Variants in SAMD12 observed in about 807,000 individuals in gnomAD.
SAMD12 encodes the protein sterile alpha motif domain-containing protein 12.
Under a neutral mutation model 15.0 loss-of-function variants are expected in SAMD12, and 9 were observed. The ratio of observed to expected loss-of-function variants is 0.60; its 90% CI spans 0.36 to 1.05. The LOEUF (loss-of-function observed/expected upper bound fraction) is 1.05. Ranked by LOEUF, SAMD12 falls within the 50% of genes least tolerant of loss-of-function variation. The probability of loss-of-function intolerance (pLI) is 0.01; values close to 1 mark genes in which losing one functional copy is unlikely to be tolerated. For synonymous variants in SAMD12, 86 were observed against 90.1 expected, an observed-to-expected ratio of 0.96 and a Z score of 0.25; for missense variants, 230 against 234.2, an observed-to-expected ratio of 0.98 and a Z score of 0.12.
intron 4 of SAMD12, among the ~76,000 whole-genome samples, chr8:118,331,266 AG>A (rs1816795186): frequency 6.6e-6 from 1 of 152,218 alleles, no homozygotes; most frequent in African/African-American, 2.4e-5. Flanking sequence ...CAGGGGAAGC[AG>A]AAGAGGAAGT....
At chr8:118,369,213 T>G (rs902787903) in intron 4 of SAMD12, among the ~76,000 whole-genome samples, 1 of 152,144 alleles carries the variant, frequency 6.6e-6, no homozygotes, top group Non-Finnish European at 1.5e-5. Context: ...AACAGACACG[T>G]AGACCAATGG....
intron 4 of SAMD12, among the ~76,000 whole-genome samples, chr8:118,278,967 A>G (rs1320186052): frequency 6.6e-6 from 1 of 152,196 alleles, no homozygotes; most frequent in Non-Finnish European, 1.5e-5. Context: ...TACAATTTAG[A>G]GAAAAAAGTA....
At chr8:118,297,207 T>C (rs1040989488) in intron 4 of SAMD12, among the ~76,000 whole-genome samples, 2 of 152,238 alleles carry the variant, frequency 1.3e-5, no homozygotes, top group African/African-American at 2.4e-5. Flanking sequence ...ATGTTCACCA[T>C]GGCTCACCAT....
chr8:118,224,003 G>A (rs1434594968), intron 4 of SAMD12, among the ~76,000 whole-genome samples: 1 of 152,192 alleles, frequency 6.6e-6, no homozygotes, highest in African/African-American at 2.4e-5. Context: ...CTCTATTCTC[G>A]ATCTTGGGAT....
At chr8:118,226,085 G>A (rs1166863197) in intron 4 of SAMD12, among the ~76,000 whole-genome samples, 3 of 152,148 alleles carry the variant, frequency 2.0e-5, no homozygotes, top group Admixed American at 6.6e-5. Context: ...GGCACTGTCC[G>A]AAGTGCTGGT....
At chr8:118,425,379 TA>T (rs1279677939) in intron 3 of SAMD12, among the ~76,000 whole-genome samples, 1 of 151,902 alleles carries the variant, frequency 6.6e-6, no homozygotes, top group Admixed American at 6.6e-5. Context: ...AAGTCATCAA[TA>T]AAAAAGAAAT....
intron 4 of SAMD12, among the ~76,000 whole-genome samples, chr8:118,352,150 G>A (rs557325728): frequency 6.6e-6 from 1 of 152,280 alleles, no homozygotes; most frequent in Admixed American, 6.5e-5. Flanking sequence ...TCTGCTACAA[G>A]CAAGCACTAC....
At chr8:118,462,825 G>A (rs1465502463) in intron 2 of SAMD12, among the ~76,000 whole-genome samples, 6 of 152,108 alleles carry the variant, frequency 3.9e-5, no homozygotes, top group South Asian at 2.1e-4. Context: ...AAAGTGGGCC[G>A]GGCGCGGTGG....
intron 3 of SAMD12, among the ~76,000 whole-genome samples, chr8:118,418,073 C>T (rs1219536691): frequency 6.6e-6 from 1 of 152,138 alleles, no homozygotes; most frequent in African/African-American, 2.4e-5. Flanking sequence ...ATCCCTATTC[C>T]TTCGTGCCTA....
intron 4 of SAMD12, among the ~76,000 whole-genome samples, chr8:118,334,757 G>A (rs761313837): frequency 6.6e-6 from 1 of 151,966 alleles, no homozygotes; most frequent in African/African-American, 2.4e-5. Flanking sequence ...CACCATACCC[G>A]GCTAATTTTT....
intron 4 of SAMD12, among the ~76,000 whole-genome samples, chr8:118,248,995 G>A (rs1368240287): frequency 6.6e-5 from 10 of 152,218 alleles, no homozygotes; most frequent in South Asian, 4.1e-4. Flanking sequence ...ATCCCCCACG[G>A]ATCCCAAAAT....
chr8:118,345,928 G>T (rs1264330256), intron 4 of SAMD12, among the ~76,000 whole-genome samples: 1 of 152,230 alleles, frequency 6.6e-6, no homozygotes, highest in Non-Finnish European at 1.5e-5. Context: ...GAATGTGGAG[G>T]AGGAGGAGTA....
At chr8:118,278,233 T>G (rs1209954432) in intron 4 of SAMD12, among the ~76,000 whole-genome samples, 2 of 152,216 alleles carry the variant, frequency 1.3e-5, no homozygotes, top group African/African-American at 4.8e-5. Context: ...GTAAATCTCA[T>G]GAAGTTTGCC....
chr8:118,232,096 T>C (rs1018688521), intron 4 of SAMD12, among the ~76,000 whole-genome samples: 6 of 152,192 alleles, frequency 3.9e-5, no homozygotes, highest in Non-Finnish European at 5.9e-5. Context: ...AGCTTTCATA[T>C]ATCTTTTTGG....
Position 118,580,845 on chromosome 8 carries a change from G to T in SAMD12, c.62C>A (p.Ala21Asp). The T allele has an allele frequency of 1.2e-6, 2 of 1,613,148 alleles. No homozygotes were observed. The highest frequency in any genetic ancestry group is 4.5e-5 in the East Asian group (2 of 44,846). Reference protein sequence around the residue: ...NPRGIDHPAHAEGIKLQIEGE... With the variant: ...NPRGIDHPAHDEGIKLQIEGE... ...TTCAATTTGCAGTTTAATACCTTCA[G>T]CATGGGCAGGGTGATCAATACCCCG... Residue 21 changes from alanine (A) to aspartate (D), a missense_variant, in exon 2 of 4, where the codon GCT (alanine) becomes GAT (aspartate). Ala to Asp is a moderately radical substitution (Grantham distance 126). Coordinates refer to ENST00000314727, the MANE Select transcript of SAMD12 (RefSeq NM_207506.3).
exon 5 of SAMD12, chr8:118,191,801 TATATATATATAG>T (rs1563686592): frequency 5.5e-5 from 2 of 36,492 alleles, no homozygotes; most frequent in Non-Finnish European, 1.1e-4. Flanking sequence ...TATATATATA[TATATATATATAG>T]AGAGAGAGAG....
chr8:118,237,778 TA>T (rs944755418), intron 4 of SAMD12, among the ~76,000 whole-genome samples: 1 of 152,114 alleles, frequency 6.6e-6, no homozygotes, highest in Non-Finnish European at 1.5e-5. Flanking sequence ...ATGTAAACAT[TA>T]AAAAAATTCA....
At chr8:118,346,718 G>T (rs1817679926) in intron 4 of SAMD12, among the ~76,000 whole-genome samples, 1 of 152,184 alleles carries the variant, frequency 6.6e-6, no homozygotes, top group African/African-American at 2.4e-5. Flanking sequence ...ATAGCAAAAG[G>T]ATACAAAGCA....
In SAMD12 at chr8:118,582,435, T is replaced by TA. The variant is rs1461812236; in HGVS notation, c.14-1543dup. ...GCTCAAATATTCAATGATATTTCTTTAAAAAAACAAACTGATTGCACAAAG... is the reference window on the plus strand; with the variant it reads ...GCTCAAATATTCAATGATATTTCTTTAAAAAAAACAAACTGATTGCACAAAG... On this transcript the variant is annotated intron_variant, in intron 1 of 3. Transcript: ENST00000314727. Among the ~76,000 whole-genome samples, 11 of 152,298 alleles carry TA rather than the reference T, an allele frequency of 7.2e-5. No homozygotes were observed. The East Asian group carries it at 1.7e-3, about 24-fold the overall frequency.
Sources: gnomAD v4.1 joint callset for allele counts (sites outside exome capture counted in the v4.1 genomes callset) on GRCh38, gnomAD v4.1.1 for gene constraint, MANE v1.5 for transcripts, NCBI Gene and HGNC (gene_info 2026-07-23, HGNC 2026-07-21) for gene names.